Variants in TET3 observed in about 807,000 individuals in gnomAD.
The protein encoded by TET3 is tet methylcytosine dioxygenase 3.
Under a neutral mutation model 141.4 loss-of-function variants are expected in TET3, and 19 were observed. The observed-to-expected ratio is 0.13, with a 90% confidence interval of 0.09 to 0.20. The LOEUF (loss-of-function observed/expected upper bound fraction) is 0.20, where lower values mean the gene tolerates loss of function less well. Among genes scored for constraint, TET3 ranks in the 10% least tolerant of loss-of-function variants. The probability of loss-of-function intolerance (pLI) is 1.00; values close to 1 mark genes in which losing one functional copy is unlikely to be tolerated. For missense variants in TET3, 1,874 were observed against 2,356.9 expected, an observed-to-expected ratio of 0.80 and a Z score of 4.24; for synonymous variants, 1,043 against 980.9, an observed-to-expected ratio of 1.06 and a Z score of -1.18.
chr2:74,012,115 C>G (rs1240012363), intron 3 of TET3, among the ~76,000 whole-genome samples: 1 of 152,186 alleles, frequency 6.6e-6, no homozygotes, highest in Non-Finnish European at 1.5e-5. Context: ...CGCATGCCAC[C>G]AGGCCCAGCT....
chr2:74,133,987 C>A, the TET3 span, among the ~76,000 whole-genome samples: 1 of 152,124 alleles, frequency 6.6e-6, no homozygotes, highest in African/African-American at 2.4e-5. Context: ...TTGTGATCCC[C>A]CCCCCTCGGC....
chr2:74,016,172 A>G (rs1046802635), intron 3 of TET3, among the ~76,000 whole-genome samples: 5 of 152,092 alleles, frequency 3.3e-5, no homozygotes, highest in African/African-American at 7.2e-5. Context: ...GTTCTAGATC[A>G]GTGGGGGCAA....
chr2:74,073,897 C>A (rs1689351814), intron 5 of TET3: 2 of 298,428 alleles, frequency 6.7e-6, no homozygotes, highest in African/African-American at 2.2e-5. Context: ...GGCTCTATGT[C>A]CTGTAGAGTT....
At chr2:74,005,226 AGTGTTG>A (rs1685092391) in intron 3 of TET3, among the ~76,000 whole-genome samples, 1 of 152,174 alleles carries the variant, frequency 6.6e-6, no homozygotes. Flanking sequence ...CCCCAGCCTT[AGTGTTG>A]TGGACATGTG....
rs1691586187 is a variant in TET3, at chr2:74,107,732, G to GAACTT, written c.*5560_*5564dup. ...TGGTTACTTGGCTTCCAATGGAGGT[G>GAACTT]AACTTAACAACCATACTTGAATATT... On this transcript the variant is annotated 3_prime_UTR_variant, in exon 12 of 12. Coordinates refer to ENST00000409262, the MANE Select transcript of TET3 (RefSeq NM_001287491.2). The GAACTT allele has an allele frequency of 6.6e-6, 1 of 152,158 alleles. No individual in the cohort carries two copies. The highest frequency in any genetic ancestry group is 2.1e-4 in the South Asian group (1 of 4,820). 9.4% of individuals were successfully genotyped at this position (152,158 alleles called of 1,614,324 possible).
intron 3 of TET3, among the ~76,000 whole-genome samples, chr2:74,018,098 G>C (rs1028941566): frequency 1.3e-5 from 2 of 151,568 alleles, no homozygotes; most frequent in African/African-American, 4.8e-5. Flanking sequence ...CTCCCGAGTA[G>C]CTGGGATTAC....
At chr2:74,086,111 G>A (rs929051093) in intron 6 of TET3, among the ~76,000 whole-genome samples, 1 of 152,134 alleles carries the variant, frequency 6.6e-6, no homozygotes, top group East Asian at 1.9e-4. Flanking sequence ...TGGAGTTCCC[G>A]CCTCAAGGCC....
In TET3 at chr2:74,085,161, AAAAG is replaced by A. The variant is rs542205940; in HGVS notation, c.2680-2665_2680-2662del. ...ATATTTTTCCACAGCAAAAAAAAAA[AAAAG>A]AAAATTGGAGCACTCATGTTTTTGG... On this transcript the variant is annotated intron_variant, in intron 6 of 11. Coordinates refer to ENST00000409262, the MANE Select transcript of TET3 (RefSeq NM_001287491.2). 3.5e-4 allele frequency among the ~76,000 whole-genome samples: 53 copies of A among 152,292 alleles called. No homozygotes were observed. The South Asian group carries it at 8.1e-3, about 23-fold the overall frequency.
At chr2:74,038,332 A>G (rs76298093) in intron 3 of TET3, among the ~76,000 whole-genome samples, 2,684 of 152,276 alleles carry the variant, frequency 0.018, 66 homozygotes, top group African/African-American at 0.062. Context: ...TCTCCTAGTA[A>G]CAAATTCCTG....
intron 10 of TET3, among the ~76,000 whole-genome samples, chr2:74,094,244 G>C (rs1274244469): frequency 6.6e-6 from 1 of 152,132 alleles, no homozygotes; most frequent in Non-Finnish European, 1.5e-5. Flanking sequence ...GAGAGTGAGA[G>C]AGCCACTATC....
At chr2:74,035,634 A>G (rs569354481) in intron 3 of TET3, among the ~76,000 whole-genome samples, 41 of 149,872 alleles carry the variant, frequency 2.7e-4, no homozygotes, top group Non-Finnish European at 4.9e-4. Context: ...GGCTGAGGCA[A>G]GAGAATCACT....
the TET3 span, chr2:74,122,507 A>ATTTTT: frequency 1.5e-5 from 1 of 65,152 alleles, no homozygotes; most frequent in African/African-American, 6.3e-5. Context: ...ATATATATAT[A>ATTTTT]TATATTTTTT....
intron 3 of TET3, among the ~76,000 whole-genome samples, chr2:74,008,794 C>G (rs1685276378): frequency 6.6e-6 from 1 of 152,076 alleles, no homozygotes; most frequent in African/African-American, 2.4e-5. Context: ...TATCTTGCCA[C>G]AGAAATATTC....
chr2:74,073,829 T>G (rs1689348222), intron 5 of TET3, 190 bp downstream of exon 5: 1 of 488,822 alleles, frequency 2.0e-6, no homozygotes, highest in Non-Finnish European at 3.6e-6. Flanking sequence ...ATTCTGTAGG[T>G]CTGCCCAATT....
intron 2 of TET3, among the ~76,000 whole-genome samples, chr2:73,997,471 G>A (rs1684652536): frequency 6.6e-6 from 1 of 152,188 alleles, no homozygotes; most frequent in Non-Finnish European, 1.5e-5. Context: ...CCTGTACTAT[G>A]TTCATGCTGC....
intron 4 of TET3, among the ~76,000 whole-genome samples, chr2:74,061,674 G>C (rs1290633236): frequency 6.9e-6 from 1 of 145,884 alleles, no homozygotes; most frequent in African/African-American, 2.7e-5. Flanking sequence ...GGTGGCTGCC[G>C]GGCGGAGGGG....
At chr2:73,988,922 T>A (rs1684180541) in intron 2 of TET3, among the ~76,000 whole-genome samples, 1 of 151,774 alleles carries the variant, frequency 6.6e-6, no homozygotes, top group Non-Finnish European at 1.5e-5. Context: ...ACCTTTTTTT[T>A]TTTTTTTAAG....
chr2:74,119,536 T>C, the TET3 span, among the ~76,000 whole-genome samples: 1 of 152,178 alleles, frequency 6.6e-6, no homozygotes, highest in East Asian at 1.9e-4. Flanking sequence ...CAGTCTCAGT[T>C]TGTCCTATTA....
chr2:74,098,806 C>T (rs979986802), intron 10 of TET3, among the ~76,000 whole-genome samples: 4 of 152,140 alleles, frequency 2.6e-5, no homozygotes, highest in African/African-American at 9.7e-5. Flanking sequence ...ATTGATCAGG[C>T]TAGTCTCGAC....
Sources: allele counts gnomAD v4.1 joint callset (sites outside exome capture counted in the v4.1 genomes callset), GRCh38; gene constraint gnomAD v4.1.1; transcripts MANE v1.5; gene names NCBI Gene and HGNC (gene_info 2026-07-23, HGNC 2026-07-21).